ANGPTL3: variants seen among roughly 807,000 people sequenced by gnomAD.
ANGPTL3 encodes angiopoietin like 3, also known as angiopoietin-related protein 3.
A neutral mutation model predicts 52.7 loss-of-function variants in ANGPTL3; 51 were observed. That is an observed-to-expected ratio of 0.97 (90% CI 0.77 to 1.22). The LOEUF is 1.22. ANGPTL3 is among the 50% of genes most tolerant of loss of function. ANGPTL3 has a pLI of 0.00. For synonymous variants in ANGPTL3, 185 were observed against 179.8 expected, an observed-to-expected ratio of 1.03 and a Z score of -0.23; for missense variants, 506 against 520.7, an observed-to-expected ratio of 0.97 and a Z score of 0.27.
chr1:62,597,557 C>G lies in ANGPTL3; in HGVS notation c.-10C>G. The G allele has an allele frequency of 6.2e-7, 1 of 1,611,994 alleles. No individual in the cohort carries two copies. The highest frequency in any genetic ancestry group is 8.5e-7 in the Non-Finnish European group (1 of 1,178,988). On this transcript the variant is annotated 5_prime_UTR_variant, in exon 1 of 7. It adds an upstream start codon to the 5' untranslated region. Transcript: ENST00000371129. ...TTCCACGTTGCTTGAAATTGAAAAT[C>G]AAGATAAAAATGTTCACAATTAAGC...
At chr1:62,601,904 T>G (rs145535735) in intron 4 of ANGPTL3, 22 bp downstream of exon 4, 3 of 1,491,066 alleles carry the variant, frequency 2.0e-6, no homozygotes, top group Admixed American at 3.4e-5. Context: ...CTAAGGAGAA[T>G]AGACAGTAGT....
chr1:62,605,784 A>ATTTAT lies in ANGPTL3; in HGVS notation c.*967_*968insTTTAT, dbSNP rs1234933149. 2 of 152,274 alleles carry ATTTAT rather than the reference A, an allele frequency of 1.3e-5. No homozygotes were observed. Among genetic ancestry groups the ATTTAT allele is most frequent in the Non-Finnish European group, 2.9e-5 (2 of 67,910 alleles). 9.4% of individuals were successfully genotyped at this position (152,274 alleles called of 1,614,324 possible). A position where few individuals can be genotyped will look rare whatever the true frequency, so the allele number is the denominator to read the frequency against. ...TCAATAAACAAAGACCCAGTCCCTA[A>ATTTAT]ATTATAGAAATTTAAATTATTCTTG... On this transcript the variant is annotated 3_prime_UTR_variant, in exon 7 of 7. Transcript: ENST00000371129.
intron 2 of ANGPTL3, 126 bp downstream of exon 2, chr1:62,598,932 A>T (rs1649703605): frequency 1.5e-6 from 1 of 674,626 alleles, no homozygotes; most frequent in African/African-American, 1.8e-5. Context: ...TAACTGTTAA[A>T]ATTGCAGGCT....
Position 62,602,292 on chromosome 1 carries a change from A to G in ANGPTL3, c.843A>G (p.Pro281=), listed in dbSNP as rs770846943. The G allele has an allele frequency of 6.2e-7, 1 of 1,607,772 alleles. No individual in the cohort carries two copies. Among genetic ancestry groups the G allele is most frequent in the South Asian group, 1.1e-5 (1 of 90,916 alleles). The change falls in exon 5 of 7, where the codon CCA becomes CCG. Residue 281 remains proline (P), a synonymous_variant. Transcript: ENST00000371129. The part of the protein sequence containing the change: ...HVYCDVISGS[P]WTLIQHRIDG... ...TTCATTCATTATATTCAGGTAGTCC[A>G]TGGACATTAATTCAACATCGAATAG... is the stretch of plus-strand genomic sequence containing the variant.
intron 2 of ANGPTL3, among the ~76,000 whole-genome samples, chr1:62,600,066 C>T (rs1649885228): frequency 6.6e-6 from 1 of 151,726 alleles, no homozygotes. Flanking sequence ...GGTTTTTTAT[C>T]AACTACTTTT....
intron 3 of ANGPTL3, among the ~76,000 whole-genome samples, chr1:62,601,419 T>A (rs930211552): frequency 2.0e-5 from 3 of 151,696 alleles, no homozygotes; most frequent in Non-Finnish European, 3.0e-5. Flanking sequence ...AGAAGGTTTA[T>A]TAATTTTCTT....
Position 62,602,316 on chromosome 1 carries a change from AGATG to A in ANGPTL3, c.871_874del (p.Gly291HisfsTer26). ...CATGGACATTAATTCAACATCGAAT[AGATG>A]GATCACAAAACTTCAATGAAACGTG... On this transcript the variant is annotated frameshift_variant, in exon 5 of 7. Transcript: ENST00000371129. LOFTEE classifies it high-confidence loss of function. The A allele has an allele frequency of 1.2e-6, 2 of 1,610,794 alleles. No homozygotes were observed. The highest frequency in any genetic ancestry group is 1.7e-6 in the Non-Finnish European group (2 of 1,177,652).
At chr1:62,602,250 T>C in intron 4 of ANGPTL3, 35 bp from the exon 5 acceptor site, 1 of 1,510,612 alleles carries the variant, frequency 6.6e-7, no homozygotes, top group South Asian at 1.1e-5. Context: ...AACATAAATC[T>C]ACTAAAAATA....
rs1361970688 is a variant in ANGPTL3, at chr1:62,601,085, A to C, written c.610A>C (p.Arg204=). The C allele has an allele frequency of 6.4e-7, 1 of 1,566,072 alleles. No homozygotes were observed. The highest frequency in any genetic ancestry group is 2.2e-5 in the East Asian group (1 of 44,484). The stretch of plus-strand genomic sequence containing the variant: ...CAGATTTATATTCTTTTATCAGCTC[A>C]GAAGGACTAGTATTCAAGAACCCAC... The part of the protein sequence containing the change: ...SQIKEIENQL[R]RTSIQEPTEI... Residue 204 remains arginine, a synonymous_variant, in exon 3 of 7, where the codon AGA becomes CGA. Transcript: ENST00000371129.
intron 2 of ANGPTL3, among the ~76,000 whole-genome samples, chr1:62,599,073 A>C (rs1649728178): frequency 6.6e-6 from 1 of 152,074 alleles, no homozygotes; most frequent in Admixed American, 6.6e-5. Context: ...AACTTATAGG[A>C]TTATTGTAAG....
In ANGPTL3 at chr1:62,604,004, A is replaced by C; in HGVS notation, c.967A>C (p.Ile323Leu). 6.2e-7 allele frequency: 1 copy of C among 1,613,106 alleles called. No individual in the cohort carries two copies. The highest frequency in any genetic ancestry group is 8.5e-7 in the Non-Finnish European group (1 of 1,179,262). The stretch of plus-strand genomic sequence containing the variant: ...GTTGGGCCTAGAGAAGATATACTCC[A>C]TAGTGAAGCAATCTAATTATGTTTT... ...FWLGLEKIYS[I>L]VKQSNYVLRI... Residue 323 changes from isoleucine (I) to leucine (L), a missense_variant, in exon 6 of 7, where the codon ATA (isoleucine) becomes CTA (leucine). By Grantham distance (5) the Ile-to-Leu change is conservative. Transcript: ENST00000371129.
chr1:62,598,659 G>A (rs746599993), intron 1 of ANGPTL3, 37 bp from the exon 2 acceptor site: 65 of 1,141,902 alleles, frequency 5.7e-5, no homozygotes, highest in Non-Finnish European at 8.1e-5. Flanking sequence ...AAAGAAAGAG[G>A]AAAGCAACTT....
rs577182439 is a variant in ANGPTL3, at chr1:62,598,715, A to G, written c.515A>G (p.Asp172Gly). Residue 172 changes from aspartate (D) to glycine (G), a missense_variant, in exon 2 of 7, where the codon GAT (aspartate) becomes GGT (glycine). Physicochemically the swap from Asp to Gly is moderately conservative, Grantham distance 94. Coordinates refer to ENST00000371129, the MANE Select transcript of ANGPTL3 (RefSeq NM_014495.4). ...TSLKTFVEKQ[D>G]NSIKDLLQTV... ...ATCCAGACTTTTGTAGAAAAACAAG[A>G]TAATAGCATCAAAGACCTTCTCCAG... is the stretch of plus-strand genomic sequence containing the variant. The G allele has an allele frequency of 2.5e-6, 4 of 1,609,178 alleles. No individual in the cohort carries two copies. Among genetic ancestry groups the G allele is most frequent in the South Asian group, 1.1e-5 (1 of 90,960 alleles).
chr1:62,601,186 A>G lies in ANGPTL3; in HGVS notation c.711A>G (p.Val237=), dbSNP rs767508992. The G allele has an allele frequency of 6.3e-7, 1 of 1,599,846 alleles. No individual in the cohort carries two copies. Among genetic ancestry groups the G allele is most frequent in the East Asian group, 2.2e-5 (1 of 44,652 alleles). ...TTCAGTTGAATGAAATAAGAAATGTAAAACATGATGGTAAGACACTTTGGT... is the reference window on the plus strand; with the variant it reads ...TTCAGTTGAATGAAATAAGAAATGTGAAACATGATGGTAAGACACTTTGGT... ...PFLQLNEIRN[V]KHDGIPAECT... The change falls in exon 3 of 7, where the codon GTA becomes GTG. Residue 237 remains valine (V), a synonymous_variant. Transcript: ENST00000371129.
In ANGPTL3 at chr1:62,605,510, T is replaced by G. The variant is rs1650858813; in HGVS notation, c.*693T>G. The G allele has an allele frequency of 6.6e-6, 1 of 152,516 alleles. No individual in the cohort carries two copies. The highest frequency in any genetic ancestry group is 1.5e-5 in the Non-Finnish European group (1 of 67,940). 9.4% of individuals were successfully genotyped at this position (152,516 alleles called of 1,614,324 possible). A position where few individuals can be genotyped will look rare whatever the true frequency, so the allele number is the denominator to read the frequency against. ...ACATGAGGTATCACTATACCTTATTTGTTAAAATATATACTGTATACATTT... is the reference window on the plus strand; with the variant it reads ...ACATGAGGTATCACTATACCTTATTGGTTAAAATATATACTGTATACATTT... On this transcript the variant is annotated 3_prime_UTR_variant, in exon 7 of 7. Transcript: ENST00000371129.
At chr1:62,599,416 A>G (rs528316469) in intron 2 of ANGPTL3, among the ~76,000 whole-genome samples, 9 of 152,126 alleles carry the variant, frequency 5.9e-5, no homozygotes, top group African/African-American at 1.7e-4. Flanking sequence ...AAAATTCCCA[A>G]TGAAGACTTA....
chr1:62,599,634 C>A (rs1351209926), intron 2 of ANGPTL3, among the ~76,000 whole-genome samples: 1 of 151,914 alleles, frequency 6.6e-6, no homozygotes, highest in East Asian at 1.9e-4. Flanking sequence ...TTTGTATATA[C>A]TCCAGAATAT....
At chr1:62,598,838 T>C (rs1377195735) in intron 2 of ANGPTL3, 32 bp downstream of exon 2, 1 of 1,302,034 alleles carries the variant, frequency 7.7e-7, no homozygotes, top group Non-Finnish European at 1.1e-6. Context: ...ATGTCCCATC[T>C]TTCACACAGG....
In ANGPTL3 at chr1:62,604,069, T is replaced by C. The variant is rs1189441164; in HGVS notation, c.1032T>C (p.Tyr344=). 3.1e-6 allele frequency: 5 copies of C among 1,613,324 alleles called. No individual in the cohort carries two copies. Among genetic ancestry groups the C allele is most frequent in the Non-Finnish European group, 4.2e-6 (5 of 1,179,416 alleles). The change falls in exon 6 of 7, where the codon TAT becomes TAC. Residue 344 remains tyrosine, a synonymous_variant. Coordinates refer to ENST00000371129, the MANE Select transcript of ANGPTL3 (RefSeq NM_014495.4). ...ELEDWKDNKH[Y]IEYSFYLGNH... is the part of the protein sequence containing the mutation. ...AAGACTGGAAAGACAACAAACATTA[T>C]ATTGAATATTCTTTTTACTTGGGAA... is the stretch of plus-strand genomic sequence containing the variant.
Sources: gnomAD v4.1 joint callset for allele counts (sites outside exome capture counted in the v4.1 genomes callset) on GRCh38, gnomAD v4.1.1 for gene constraint, MANE v1.5 for transcripts, NCBI Gene and HGNC (gene_info 2026-07-23, HGNC 2026-07-21) for gene names.